The following SVIL variants were observed in gnomAD, a reference collection of about 807,000 sequenced individuals.
SVIL encodes the protein archvillin.
SVIL carries 101 observed loss-of-function variants against 240.4 expected under a neutral mutation model. The observed-to-expected ratio is 0.42, with a 90% CI of 0.36 to 0.50. The LOEUF is 0.50. Ranked by LOEUF, SVIL falls within the 20% of genes least tolerant of loss-of-function variation. The pLI is 0.01. For missense variants in SVIL, 2,512 were observed against 2,818.7 expected, an observed-to-expected ratio of 0.89 and a Z score of 2.46; for synonymous variants, 999 against 1,100.0, an observed-to-expected ratio of 0.91 and a Z score of 1.82.
At position 29,507,348 on chromosome 10, in the gene SVIL, G is replaced by C. The variant is rs561075225; in HGVS notation, c.3516+5387C>G. ...AGGATCGAAGCTCAGAGGCTGAAAG[G>C]GGACACTCTCCTCTTAAACCAGTTT... On this transcript the variant is annotated intron_variant, in intron 17 of 37. Transcript: ENST00000355867. 8.5e-5 allele frequency among the ~76,000 whole-genome samples: 13 copies of C among 152,198 alleles called. No homozygotes were observed. In the East Asian group the frequency reaches 2.5e-3, roughly 29 times the overall value.
At position 29,499,282 on chromosome 10, in the gene SVIL, A is replaced by G; in HGVS notation, c.3517-19T>C. On this transcript the variant is annotated intron_variant, in intron 17 of 37. Transcript: ENST00000355867. ...TGACCCGCTGTTCATAAATGTACAG[A>G]AGAGAAAACAGGAGAGAGAAATGAC... 6.2e-7 allele frequency: 1 copy of G among 1,614,120 alleles called. No homozygotes were observed. The highest frequency in any genetic ancestry group is 8.5e-7 in the Non-Finnish European group (1 of 1,179,982).
rs149276732 is a variant in SVIL at position 29,533,473 on chromosome 10, A to T, written c.909-15T>A. 653 of 1,605,446 alleles carry T rather than the reference A, an allele frequency of 4.1e-4. 2 individuals carry two copies. In the African/African-American group the frequency reaches 7.9e-3, roughly 19 times the overall value. ...TAACTTTAACTCTTTAAGAAAGAAA[A>T]AGGATTTAAGTTGCAAAGTGCAGTA... On this transcript the variant is annotated splice_polypyrimidine_tract_variant and intron_variant, in intron 7 of 37. Coordinates refer to ENST00000355867, the MANE Select transcript of SVIL (RefSeq NM_021738.3).
rs182433794 is a variant in SVIL at position 29,576,943 on chromosome 10, C to T, written c.-200-7631G>A. Among the ~76,000 whole-genome samples, 232 of 152,242 alleles carry T rather than the reference C, an allele frequency of 1.5e-3. 1 individual carries two copies. The highest frequency in any genetic ancestry group is 6.8e-3 in the Middle Eastern group (2 of 294). On this transcript the variant is annotated intron_variant, in intron 1 of 37. Coordinates refer to ENST00000355867, the MANE Select transcript of SVIL (RefSeq NM_021738.3). ...GTCACCAGGCTGGAATGCAGTGGCGCGAGCTAGGCTCACTGCAACCTCTGC... is the reference window on the plus strand; with the variant it reads ...GTCACCAGGCTGGAATGCAGTGGCGTGAGCTAGGCTCACTGCAACCTCTGC...
intron 2 of SVIL, among the ~76,000 whole-genome samples, chr10:29,679,344 G>C (rs578072565): frequency 1.3e-5 from 2 of 152,302 alleles, no homozygotes; most frequent in Admixed American, 1.3e-4. Context: ...TTTGTGAGAA[G>C]AGAAGGTGCA....
rs187266656 is a variant in SVIL, at chr10:29,734,377, C to T, written c.-400+1374G>A. ...CACACACCCAGCAGTCCATAAAGCG[C>T]TCTTCAGTAACCGACTTTGTCAAAA... On this transcript the variant is annotated intron_variant, in intron 1 of 35. Transcript: ENST00000375400. 5.9e-3 allele frequency among the ~76,000 whole-genome samples: 897 copies of T among 152,276 alleles called. 8 individuals are homozygous for T. The highest frequency in any genetic ancestry group is 0.021 in the African/African-American group (863 of 41,542).
chr10:29,546,039 A>G (rs1952653456), intron 6 of SVIL, among the ~76,000 whole-genome samples: 1 of 152,116 alleles, frequency 6.6e-6, no homozygotes, highest in South Asian at 2.1e-4. Context: ...AAAGTAAAAA[A>G]TACAGCACAT....
chr10:29,709,769 G>T (rs767510602), intron 1 of SVIL, among the ~76,000 whole-genome samples: 16 of 152,160 alleles, frequency 1.1e-4, no homozygotes, highest in Non-Finnish European at 1.9e-4. Context: ...AAACCTGTGA[G>T]CAGGTATCCA....
rs1476679663 is a variant in SVIL at position 29,634,953 on chromosome 10, A to G, written c.-734T>C. The G allele has an allele frequency of 2.0e-5, 3 of 152,226 alleles. No homozygotes were observed. The highest frequency in any genetic ancestry group is 2.9e-5 in the Non-Finnish European group (2 of 68,080). 9.4% of individuals were successfully genotyped at this position (152,226 alleles called of 1,614,324 possible). A position where few individuals can be genotyped will look rare whatever the true frequency, so the allele number is the denominator to read the frequency against. On this transcript the variant is annotated 5_prime_UTR_variant, in exon 1 of 38. Transcript: ENST00000355867. ...AACCTGAGGACACTTCAGCCTGGGG[A>G]GGACGCAGTCAGAGCAGTGAAGCAA...
At chr10:29,545,875 A>G (rs969176284) in intron 6 of SVIL, among the ~76,000 whole-genome samples, 4 of 150,692 alleles carry the variant, frequency 2.7e-5, no homozygotes, top group Admixed American at 1.3e-4. Context: ...AAAAAAAAAA[A>G]AAAAGAAAAA....
rs766870733 is a variant in SVIL at position 29,471,169 on chromosome 10, C to T, written c.5604G>A (p.Gly1868=). ...CATTTTCTTCTTCCTCTTCCCGCCT[C>T]CCCGAGTGCACCACCATCCCCCCCT... ...CFQGGMVVHS[G]RREEEEENVQ... Residue 1868 remains glycine, a synonymous_variant, in exon 31 of 38, where the codon GGG becomes GGA. Coordinates refer to ENST00000355867, the MANE Select transcript of SVIL (RefSeq NM_021738.3). 1.2e-6 allele frequency: 2 copies of T among 1,613,916 alleles called. No individual in the cohort carries two copies. The highest frequency in any genetic ancestry group is 1.1e-5 in the South Asian group (1 of 91,024).
Position 29,481,697 on chromosome 10 carries a change from A to G in SVIL, c.4987T>C (p.Phe1663Leu). ...TCATTGTGTTCAGTAAGTCTCCCAA[A>G]TATCGCCCAGTCGGGCCGCCCCTGT... Reference protein sequence around the residue: ...KGQGRPDWAIFGRLTEHNETI... With the variant: ...KGQGRPDWAILGRLTEHNETI... Residue 1663 changes from phenylalanine to leucine, a missense_variant, in exon 28 of 38, where the codon TTT becomes CTT. Transcript: ENST00000355867. The G allele has an allele frequency of 6.2e-7, 1 of 1,613,702 alleles. No individual in the cohort carries two copies. Among genetic ancestry groups the G allele is most frequent in the South Asian group, 1.1e-5 (1 of 91,052 alleles).
chr10:29,665,002 G>A (rs1011358174), intron 2 of SVIL, among the ~76,000 whole-genome samples: 5 of 152,040 alleles, frequency 3.3e-5, no homozygotes, highest in African/African-American at 9.7e-5. Context: ...CACTTTAGAA[G>A]GTTGAGGTGG....
intron 2 of SVIL, among the ~76,000 whole-genome samples, chr10:29,678,815 C>A (rs1960403110): frequency 6.6e-6 from 1 of 152,194 alleles, no homozygotes; most frequent in Non-Finnish European, 1.5e-5. Context: ...TGCAGCTCTC[C>A]TCTCACATTT....
chr10:29,573,253 T>A (rs1316248169), intron 1 of SVIL, among the ~76,000 whole-genome samples: 1 of 152,170 alleles, frequency 6.6e-6, no homozygotes, highest in Non-Finnish European at 1.5e-5. Flanking sequence ...ACATTTTTTT[T>A]AATTGTTGGG....
intron 30 of SVIL, among the ~76,000 whole-genome samples, chr10:29,473,232 A>G (rs1945792217): frequency 6.6e-6 from 1 of 152,124 alleles, no homozygotes. Flanking sequence ...ACAGTAAGGG[A>G]GTGACCCAAT....
chr10:29,480,722 T>A lies in SVIL; in HGVS notation c.5192A>T (p.Asn1731Ile), dbSNP rs549470490. 5.6e-6 allele frequency: 9 copies of A among 1,614,184 alleles called. No homozygotes were observed. The East Asian group carries it at 1.8e-4, about 32-fold the overall frequency. Residue 1731 changes from asparagine (N) to isoleucine (I), a missense_variant, in exon 29 of 38, where the codon AAC becomes ATC. Physicochemically the swap from Asn to Ile is moderately radical, Grantham distance 149. Around this residue, in one of 3 missense-constraint regions of SVIL, gnomAD observed 797 missense variants for 925.3 expected, o/e 0.86. Coordinates refer to ENST00000355867, the MANE Select transcript of SVIL (RefSeq NM_021738.3). ...TTAGTILDGV[N>I]VGRGYGLVEG... ...CACCAGGCCATAGCCACGGCCGACG[T>A]TCACTCCGTCCAGGATGGTGCCTGC...
intron 17 of SVIL, among the ~76,000 whole-genome samples, chr10:29,512,291 C>A (rs560352054): frequency 6.6e-6 from 1 of 152,310 alleles, no homozygotes; most frequent in Non-Finnish European, 1.5e-5. Context: ...GAACTAAATA[C>A]TCATAAACCA....
intron 29 of SVIL, among the ~76,000 whole-genome samples, chr10:29,476,830 T>C (rs946022492): frequency 6.6e-6 from 1 of 152,176 alleles, no homozygotes; most frequent in African/African-American, 2.4e-5. Flanking sequence ...ATTTTGGCAA[T>C]ATAAAGATTA....
intron 2 of SVIL, among the ~76,000 whole-genome samples, chr10:29,658,235 A>ATC (rs1360548877): frequency 6.6e-6 from 1 of 152,238 alleles, no homozygotes; most frequent in Non-Finnish European, 1.5e-5. Context: ...ACTACAGATT[A>ATC]CAGGCAGTGG....
Sources: allele counts gnomAD v4.1 joint callset (sites outside exome capture counted in the v4.1 genomes callset), GRCh38; gene constraint gnomAD v4.1.1; regional missense constraint gnomAD v4.1.1; transcripts MANE v1.5; gene names NCBI Gene and HGNC (gene_info 2026-07-23, HGNC 2026-07-21).